The following MSH3 variants were observed in gnomAD, a reference collection of about 807,000 sequenced individuals.
MSH3 encodes the protein mutS homolog 3, also known as DNA mismatch repair protein Msh3.
In MSH3, 106 loss-of-function variants were observed where a neutral mutation model predicts 123.3. That is an observed-to-expected ratio of 0.86 (90% CI 0.73 to 1.01). The LOEUF is 1.01. Ranked by LOEUF, MSH3 falls within the 50% of genes least tolerant of loss-of-function variation. The pLI is 0.00. For synonymous variants in MSH3, 515 were observed against 481.4 expected, an observed-to-expected ratio of 1.07 and a Z score of -0.91; for missense variants, 1,459 against 1,347.6, an observed-to-expected ratio of 1.08 and a Z score of -1.29.
intron 8 of MSH3, among the ~76,000 whole-genome samples, chr5:80,683,198 T>C (rs1750012622): frequency 6.6e-6 from 1 of 152,212 alleles, no homozygotes; most frequent in Non-Finnish European, 1.5e-5. Context: ...ATATACTGAT[T>C]TCCCTTCTTT....
At chr5:80,703,529 A>G (rs1358054524) in intron 8 of MSH3, among the ~76,000 whole-genome samples, 1 of 151,998 alleles carries the variant, frequency 6.6e-6, no homozygotes, top group African/African-American at 2.4e-5. Flanking sequence ...AGAGAGACAC[A>G]TAGCTTAGCC....
intron 21 of MSH3, among the ~76,000 whole-genome samples, chr5:80,862,172 A>G (rs1197933380): frequency 3.9e-5 from 6 of 152,164 alleles, no homozygotes; most frequent in African/African-American, 9.7e-5. Flanking sequence ...AAAAGTGCCT[A>G]TCAGCTTGGA....
Position 80,819,090 on chromosome 5 carries a change from C to CT in MSH3, c.2813+5360dup, listed in dbSNP as rs879882691. ...CCAATGTCCAGTTGACCCAAATAAG[C>CT]TTTTTTTTTTTAATGCAGTAGAATG... On this transcript the variant is annotated intron_variant, in intron 20 of 23. Transcript: ENST00000265081. 5.2e-3 allele frequency among the ~76,000 whole-genome samples: 750 copies of CT among 143,854 alleles called. 6 individuals carry two copies. The highest frequency in any genetic ancestry group is 0.017 in the African/African-American group (661 of 39,384). 94.4% of individuals were successfully genotyped at this position (143,854 alleles called of 152,430 possible). A position where few individuals can be genotyped will look rare whatever the true frequency, so the allele number is the denominator to read the frequency against.
intron 7 of MSH3, among the ~76,000 whole-genome samples, chr5:80,675,701 C>G (rs1749824574): frequency 6.6e-6 from 1 of 152,152 alleles, no homozygotes; most frequent in South Asian, 2.1e-4. Context: ...TATCAATACT[C>G]TATGCTATGG....
chr5:80,834,840 C>G (rs1745481955), intron 20 of MSH3, among the ~76,000 whole-genome samples: 1 of 151,968 alleles, frequency 6.6e-6, no homozygotes, highest in Non-Finnish European at 1.5e-5. Context: ...GAAAGAAACC[C>G]TATAATACCA....
chr5:80,658,758 A>G (rs1241763300), intron 2 of MSH3, among the ~76,000 whole-genome samples: 1 of 147,280 alleles, frequency 6.8e-6, no homozygotes, highest in East Asian at 1.9e-4. Flanking sequence ...TGCCTGGCTA[A>G]TTAAAAATAT....
intron 13 of MSH3, among the ~76,000 whole-genome samples, chr5:80,762,708 T>C (rs1465534749): frequency 1.3e-5 from 2 of 151,692 alleles, no homozygotes; most frequent in African/African-American, 4.8e-5. Flanking sequence ...TTTTACTGTG[T>C]AACCATTTTT....
Position 80,732,962 on chromosome 5 carries a change from C to T in MSH3, c.1568+3997C>T, listed in dbSNP as rs1743437579. Among the ~76,000 whole-genome samples, 3 of 152,304 alleles carry T rather than the reference C, an allele frequency of 2.0e-5. No homozygotes were observed. In the South Asian group the frequency reaches 6.2e-4, roughly 32 times the overall value. On this transcript the variant is annotated intron_variant, in intron 10 of 23. Coordinates refer to ENST00000265081, the MANE Select transcript of MSH3 (RefSeq NM_002439.5). Reference sequence around the variant, plus strand: ...GATGCAGTATTGCTCAGATCAGTCTCTAAGTTCAGTGCAATTTGTATCAAA... The same window carrying T: ...GATGCAGTATTGCTCAGATCAGTCTTTAAGTTCAGTGCAATTTGTATCAAA...
At chr5:80,654,992 C>A (rs1749227479) in intron 1 of MSH3, 28 bp downstream of exon 1, 6 of 1,355,510 alleles carry the variant, frequency 4.4e-6, no homozygotes, top group Non-Finnish European at 4.9e-6. Flanking sequence ...CTGGGCAGGG[C>A]CATCGGGGCT....
chr5:80,747,537 T>G (rs1743744430), intron 12 of MSH3, among the ~76,000 whole-genome samples: 1 of 152,220 alleles, frequency 6.6e-6, no homozygotes, highest in Non-Finnish European at 1.5e-5. Flanking sequence ...TTTATACTCC[T>G]AATCTATTAA....
intron 22 of MSH3, among the ~76,000 whole-genome samples, chr5:80,870,753 T>C (rs1746198262): frequency 6.6e-6 from 1 of 152,208 alleles, no homozygotes; most frequent in Non-Finnish European, 1.5e-5. Context: ...CCTTTTTCTC[T>C]GTCATGTTCA....
At chr5:80,660,947 C>G (rs1255239189) in intron 2 of MSH3, among the ~76,000 whole-genome samples, 1 of 152,120 alleles carries the variant, frequency 6.6e-6, no homozygotes, top group Admixed American at 6.5e-5. Flanking sequence ...TACAGGCACT[C>G]GCCACCACGC....
At position 80,813,805 on chromosome 5, in the gene MSH3, A is replaced by C. The variant is rs1745052640; in HGVS notation, c.2813+64A>C. On this transcript the variant is annotated intron_variant, in intron 20 of 23. Transcript: ENST00000265081. ...TAAGTCAAGCCCACATTATCGCATG[A>C]ATTTTCCTTTTGTGTACATATTTAG... 2.6e-6 allele frequency: 4 copies of C among 1,566,402 alleles called. No homozygotes were observed. In the African/African-American group the frequency reaches 5.4e-5, roughly 21 times the overall value.
At chr5:80,803,913 C>T (rs1382954204) in intron 19 of MSH3, among the ~76,000 whole-genome samples, 1 of 152,084 alleles carries the variant, frequency 6.6e-6, no homozygotes, top group East Asian at 1.9e-4. Flanking sequence ...TCATTGGTCT[C>T]TGTGTCTGTT....
chr5:80,844,562 GC>G (rs1745685621), intron 20 of MSH3, among the ~76,000 whole-genome samples: 1 of 152,134 alleles, frequency 6.6e-6, no homozygotes, highest in Non-Finnish European at 1.5e-5. Context: ...CTAAGGACTT[GC>G]TTTATGAATC....
intron 4 of MSH3, among the ~76,000 whole-genome samples, chr5:80,671,174 G>T (rs1017333228): frequency 9.9e-5 from 15 of 152,026 alleles, no homozygotes; most frequent in Admixed American, 6.6e-5. Context: ...TTTATTATAG[G>T]CCCTAGTCAA....
intron 19 of MSH3, among the ~76,000 whole-genome samples, chr5:80,805,115 A>G (rs1034588514): frequency 4.6e-5 from 7 of 152,232 alleles, no homozygotes; most frequent in African/African-American, 1.4e-4. Context: ...AGTTTGTTCT[A>G]GTGTAACAAC....
At chr5:80,854,662 T>G (rs968949351) in intron 21 of MSH3, among the ~76,000 whole-genome samples, 7 of 152,314 alleles carry the variant, frequency 4.6e-5, no homozygotes, top group Admixed American at 3.9e-4. Flanking sequence ...CAAAATTATC[T>G]TTTTTATAAT....
At chr5:80,736,089 G>C (rs1186272657) in intron 10 of MSH3, among the ~76,000 whole-genome samples, 2 of 152,056 alleles carry the variant, frequency 1.3e-5, no homozygotes, top group Non-Finnish European at 2.9e-5. Flanking sequence ...AGCTGGGCAT[G>C]ATGGCGGGTG....
Sources: gnomAD v4.1 joint callset for allele counts (sites outside exome capture counted in the v4.1 genomes callset) on GRCh38, gnomAD v4.1.1 for gene constraint, MANE v1.5 for transcripts, NCBI Gene and HGNC (gene_info 2026-07-23, HGNC 2026-07-21) for gene names.